The following MAPK8IP3 variants were observed in gnomAD, a reference collection of about 807,000 sequenced individuals.
MAPK8IP3 encodes C-Jun-amino-terminal kinase-interacting protein 3.
A neutral mutation model predicts 157.8 loss-of-function variants in MAPK8IP3; 49 were observed. The observed-to-expected ratio is 0.31, with a 90% CI of 0.25 to 0.39. MAPK8IP3 has a LOEUF of 0.39. Among genes scored for constraint, MAPK8IP3 ranks in the 10% least tolerant of loss-of-function variants. MAPK8IP3 has a pLI of 1.00. For synonymous variants in MAPK8IP3, 897 were observed against 777.7 expected (o/e 1.15, Z -2.55); for missense variants, 1,478 against 1,889.4 (o/e 0.78, Z 4.04).
chr16:1,733,521 G>A (rs749597779), intron 4 of MAPK8IP3, among the ~76,000 whole-genome samples: 5 of 152,220 alleles, frequency 3.3e-5, no homozygotes, highest in Admixed American at 1.3e-4. Flanking sequence ...GGAGTACTTC[G>A]TCCTGCATGT....
intron 7 of MAPK8IP3, 86 bp downstream of exon 7, chr16:1,748,432 A>T (rs1203913746): frequency 8.0e-7 from 1 of 1,251,922 alleles, no homozygotes; most frequent in Non-Finnish European, 1.1e-6. Flanking sequence ...CTCTGCCACC[A>T]CTGGGAGAAC....
Position 1,748,723 on chromosome 16 carries a change from AAGCGCAAGCCTTCCCCCGC to A in MAPK8IP3, c.1216+5_1216+23del. On this transcript the variant is annotated splice_donor_5th_base_variant and intron_variant, in intron 8 of 31. Transcript: ENST00000610761. The stretch of plus-strand genomic sequence containing the variant: ...GGACGAAGGGGCCGACCTCCTAGGT[AAGCGCAAGCCTTCCCCCGC>A]ACCGCTGTGCCTGCACAATGCTGGG... The A allele has an allele frequency of 1.2e-6, 2 of 1,611,404 alleles. No individual in the cohort carries two copies. Among genetic ancestry groups the A allele is most frequent in the Non-Finnish European group, 1.7e-6 (2 of 1,177,610 alleles).
chr16:1,763,922 A>G, intron 17 of MAPK8IP3, 139 bp downstream of exon 17: 1 of 1,076,366 alleles, frequency 9.3e-7, no homozygotes, highest in South Asian at 1.7e-5. Context: ...GGGGCCTGGC[A>G]GGTTCCTAGT....
At chr16:1,749,212 G>T (rs572385406) in intron 8 of MAPK8IP3, among the ~76,000 whole-genome samples, 2 of 152,168 alleles carry the variant, frequency 1.3e-5, no homozygotes, top group Non-Finnish European at 2.9e-5. Flanking sequence ...TGCACGGTGC[G>T]GTGGGTTACA....
In MAPK8IP3 at chr16:1,763,708, G is replaced by A. The variant is rs2042084707; in HGVS notation, c.1950G>A (p.Gln650=). The change falls in exon 17 of 32, where the codon CAG becomes CAA. Residue 650 remains glutamine, a synonymous_variant. Transcript: ENST00000610761. The part of the protein sequence containing the change: ...RREQKREQYR[Q]VREHVRNDDG... ...AGCAGAAGCGCGAGCAGTACCGCCA[G>A]GTGCGTGAGCACGTGCGTAACGACG... 1.3e-6 allele frequency: 2 copies of A among 1,597,102 alleles called. No homozygotes were observed. Among genetic ancestry groups the A allele is most frequent in the Admixed American group, 1.7e-5 (1 of 58,564 alleles).
rs375654601 is a variant in MAPK8IP3 at position 1,741,335 on chromosome 16, G to T, written c.603-1997G>T. ...CCAGGGCCTGGGGGCCGGTGGGGAG[G>T]AGCAAAGGAAAGAGTGAAGGCAGCT... On this transcript the variant is annotated intron_variant, in intron 4 of 31. Transcript: ENST00000610761. This position sits in a 1 kb window ranked among gnomAD's most constrained non-coding sequence, Gnocchi z 6.9. Among the ~76,000 whole-genome samples the T allele has an allele frequency of 5.2e-4, 79 of 152,302 alleles. No individual in the cohort carries two copies. The highest frequency in any genetic ancestry group is 1.8e-3 in the African/African-American group (76 of 41,556).
chr16:1,738,689 TAGCATCCATGTGAGCGTGTG>T (rs1567170615), intron 4 of MAPK8IP3, among the ~76,000 whole-genome samples: 2 of 115,414 alleles, frequency 1.7e-5, no homozygotes, highest in Non-Finnish European at 3.5e-5. Context: ...ACCGTCCGTG[TAGCATCCATGTGAGCGTGTG>T]AGCATCCGTG....
intron 4 of MAPK8IP3, among the ~76,000 whole-genome samples, chr16:1,736,055 CGTCCGTGT>C (rs1596628399): frequency 1.0e-4 from 7 of 67,864 alleles, no homozygotes; most frequent in Admixed American, 3.2e-4. Context: ...AGCGTGTGAC[CGTCCGTGT>C]GTGTGACCAT....
chr16:1,739,394 GTGTGACCGTCCATGTGAGCATCCC>G (rs2040446071), intron 4 of MAPK8IP3, among the ~76,000 whole-genome samples: 6 of 143,536 alleles, frequency 4.2e-5, no homozygotes, highest in Non-Finnish European at 9.1e-5. Flanking sequence ...GTGAGCATCC[GTGTGACCGTCCATGTGAGCATCCC>G]TGTGACCGTC....
At chr16:1,758,842 C>G (rs935067968) in intron 9 of MAPK8IP3, 136 bp from the exon 10 acceptor site, 15 of 871,810 alleles carry the variant, frequency 1.7e-5, no homozygotes, top group South Asian at 3.0e-5. Flanking sequence ...TGCACCCACC[C>G]TAACCCAGCA....
intron 1 of MAPK8IP3, among the ~76,000 whole-genome samples, chr16:1,711,385 C>T (rs1443766314): frequency 6.6e-6 from 1 of 152,166 alleles, no homozygotes; most frequent in African/African-American, 2.4e-5. Context: ...GGCTCATGGG[C>T]CCTGGGGACC....
At chr16:1,736,637 AGC>A (rs2141788719) in intron 4 of MAPK8IP3, among the ~76,000 whole-genome samples, 1 of 32,426 alleles carries the variant, frequency 3.1e-5, no homozygotes, top group Non-Finnish European at 5.6e-5. Context: ...CGTCCGTGTG[AGC>A]GTGTGACCGT....
intron 5 of MAPK8IP3, chr16:1,744,436 C>G (rs1477803473): frequency 1.4e-5 from 14 of 985,800 alleles, no homozygotes; most frequent in Non-Finnish European, 1.4e-5. Context: ...CTCCGTCAGC[C>G]CACCTGCTGC....
chr16:1,723,569 GTGAT>G (rs1326790509), intron 1 of MAPK8IP3, among the ~76,000 whole-genome samples: 1 of 152,192 alleles, frequency 6.6e-6, no homozygotes, highest in Non-Finnish European at 1.5e-5. Flanking sequence ...GCAGTGAGTT[GTGAT>G]CGCACCACTG....
chr16:1,760,281 T>A, intron 11 of MAPK8IP3, 99 bp from the exon 12 acceptor site: 1 of 1,461,314 alleles, frequency 6.8e-7, no homozygotes, highest in South Asian at 1.3e-5. Flanking sequence ...AACCAGGCTG[T>A]GCCTTCTCCA....
chr16:1,713,280 C>T (rs978818514), intron 1 of MAPK8IP3, among the ~76,000 whole-genome samples: 4 of 152,174 alleles, frequency 2.6e-5, no homozygotes, highest in Non-Finnish European at 5.9e-5. Context: ...GATGAGGTCT[C>T]GCCACGTTGC....
At chr16:1,736,022 C>T (rs1210729663) in intron 4 of MAPK8IP3, among the ~76,000 whole-genome samples, 1 of 125,566 alleles carries the variant, frequency 8.0e-6, no homozygotes, top group Non-Finnish European at 1.6e-5. Flanking sequence ...GAGAGTGTGA[C>T]CGTCCATGTG....
Position 1,748,636 on chromosome 16 carries a change from A to G in MAPK8IP3, c.1132A>G (p.Ile378Val), listed in dbSNP as rs754801999. The G allele has an allele frequency of 1.2e-6, 2 of 1,614,156 alleles. No individual in the cohort carries two copies. Among genetic ancestry groups the G allele is most frequent in the Admixed American group, 3.3e-5 (2 of 60,024 alleles). The change falls in exon 8 of 32, where the codon ATC becomes GTC. Residue 378 changes from isoleucine to valine, a missense_variant. This residue lies in a region of MAPK8IP3 where 315 missense variants were observed against 394.4 expected (regional missense o/e 0.80). Coordinates refer to ENST00000610761, the MANE Select transcript of MAPK8IP3 (RefSeq NM_001318852.2). ...TQGIVNKAFG[I>V]NTDSLYHELS... The stretch of plus-strand genomic sequence containing the variant: ...GGGCATCGTGAACAAAGCTTTCGGC[A>G]TCAACACCGACTCCCTGTACCATGA...
intron 6 of MAPK8IP3, 97 bp downstream of exon 6, chr16:1,747,372 G>A (rs1045080422): frequency 4.0e-6 from 6 of 1,501,140 alleles, no homozygotes; most frequent in Middle Eastern, 1.8e-4. Context: ...GGCAGTGCAG[G>A]CAGCAGAGAC....
Sources: gnomAD v4.1 joint callset for allele counts (sites outside exome capture counted in the v4.1 genomes callset) on GRCh38, gnomAD v4.1.1 for gene constraint, gnomAD v4.1.1 regional missense constraint, Gnocchi (gnomAD v3.1) non-coding constraint, MANE v1.5 for transcripts, NCBI Gene and HGNC (gene_info 2026-07-23, HGNC 2026-07-21) for gene names.